The following SPTA1 variants were observed in gnomAD, a reference collection of about 807,000 sequenced individuals.
SPTA1 encodes spectrin alpha, erythrocytic 1, also known as spectrin alpha chain, erythrocytic 1.
In SPTA1, 177 loss-of-function variants were observed where a neutral mutation model predicts 324.7. That is an observed-to-expected ratio of 0.55 (90% CI 0.48 to 0.62). SPTA1 has a LOEUF of 0.62. Ranked by LOEUF, SPTA1 falls within the 20% of genes least tolerant of loss-of-function variation. The pLI, the probability that SPTA1 is intolerant of heterozygous loss-of-function variation, is 0.00. For missense variants in SPTA1, 3,162 were observed against 2,883.6 expected (o/e 1.10, Z -2.21); for synonymous variants, 1,195 against 1,041.3 (o/e 1.15, Z -2.84).
chr1:158,666,389 C>G lies in SPTA1; in HGVS notation c.2147G>C (p.Gly716Ala), dbSNP rs1027915873. Residue 716 changes from glycine to alanine, a missense_variant, in exon 16 of 52, where the codon GGG becomes GCG. Physicochemically the swap from Gly to Ala is moderately conservative, Grantham distance 60. Transcript: ENST00000643759. ...ATTCTGTACCTCGGCCAGGCCTTTC[C>G]CATAATCCTCAGAGGTGACTTGCCA... ...VEWQVTSEDY[G>A]KGLAEVQNRL... 2.4e-5 allele frequency: 39 copies of G among 1,613,800 alleles called. No individual in the cohort carries two copies. The highest frequency in any genetic ancestry group is 3.3e-5 in the Non-Finnish European group (39 of 1,179,992).
At chr1:158,670,943 A>G (rs1296444449) in intron 12 of SPTA1, among the ~76,000 whole-genome samples, 1 of 152,024 alleles carries the variant, frequency 6.6e-6, no homozygotes, top group Non-Finnish European at 1.5e-5. Flanking sequence ...AATAATTTCT[A>G]TTTACACTGA....
In SPTA1 at chr1:158,685,289, C is replaced by A. The variant is rs121918641; in HGVS notation, c.83G>T (p.Arg28Leu). Residue 28 changes from arginine (R) to leucine (L), a missense_variant, in exon 2 of 52, where the codon CGT becomes CTT. Physicochemically the swap from Arg to Leu is moderately radical, Grantham distance 102. Transcript: ENST00000643759. Reference sequence around the variant, plus strand: ...TTGATACCGAGTCAACACTTCCTGACGCCTCTCCTGGATCTCTTCTGCTGT... The same window carrying A: ...TTGATACCGAGTCAACACTTCCTGAAGCCTCTCCTGGATCTCTTCTGCTGT... Reference protein sequence around the residue: ...LETAEEIQERRQEVLTRYQSF... With the variant: ...LETAEEIQERLQEVLTRYQSF... 4.3e-6 allele frequency: 7 copies of A among 1,613,774 alleles called. No homozygotes were observed. The African/African-American group carries it at 9.3e-5, about 22-fold the overall frequency.
At chr1:158,646,002 C>T (rs1269488279) in intron 27 of SPTA1, among the ~76,000 whole-genome samples, 1 of 152,144 alleles carries the variant, frequency 6.6e-6, no homozygotes, top group East Asian at 1.9e-4. Flanking sequence ...GTTACTGTTC[C>T]TTTTAAGTGG....
Position 158,611,225 on chromosome 1 carries a change from C to G in SPTA1, c.*39G>C, listed in dbSNP as rs202171095. On this transcript the variant is annotated 3_prime_UTR_variant, in exon 52 of 52. Coordinates refer to ENST00000643759, the MANE Select transcript of SPTA1 (RefSeq NM_003126.4). Reference sequence around the variant, plus strand: ...TCTTTGCCCCCCAGTAAATTTCCCACGACACTAAGATTTTCTACGATCCAC... The same window carrying G: ...TCTTTGCCCCCCAGTAAATTTCCCAGGACACTAAGATTTTCTACGATCCAC... 2 of 1,608,950 alleles carry G rather than the reference C, an allele frequency of 1.2e-6. No individual in the cohort carries two copies. Among genetic ancestry groups the G allele is most frequent in the Middle Eastern group, 1.7e-4 (1 of 6,024 alleles).
chr1:158,648,806 A>G (rs1652199789), intron 25 of SPTA1, among the ~76,000 whole-genome samples, 153 bp from the exon 26 acceptor site: 1 of 97,076 alleles, frequency 1.0e-5, no homozygotes, highest in African/African-American at 4.2e-5. Context: ...TTTATGTGCT[A>G]GAAACTTAGG....
chr1:158,640,142 C>G (rs973708752), intron 33 of SPTA1, 135 bp from the exon 34 acceptor site: 40 of 1,072,934 alleles, frequency 3.7e-5, no homozygotes, highest in Admixed American at 1.3e-4. Context: ...TCATACATTT[C>G]AAACCAGTTA....
chr1:158,669,582 AACTTACT>A lies in SPTA1; in HGVS notation c.1678-26_1678-20del. On this transcript the variant is annotated intron_variant, in intron 13 of 51. Transcript: ENST00000643759. ...CTAACAGCTGCAAAAACCATGAGTA[AACTTACT>A]GTCAGCACAACCAAATATGGACATG... 1.2e-6 allele frequency: 2 copies of A among 1,614,102 alleles called. No homozygotes were observed. The highest frequency in any genetic ancestry group is 2.7e-5 in the African/African-American group (2 of 75,044).
In SPTA1 at chr1:158,639,418, T is replaced by A. The variant is rs1410954564; in HGVS notation, c.4980+164A>T. ...TTGATTATCAGTGACAGTTTTAATG[T>A]CTTCACAGCCCGTTAATTTTACCTA... On this transcript the variant is annotated intron_variant, in intron 35 of 51. Coordinates refer to ENST00000643759, the MANE Select transcript of SPTA1 (RefSeq NM_003126.4). The A allele has an allele frequency of 4.3e-6, 3 of 697,344 alleles. No individual in the cohort carries two copies. In the African/African-American group the frequency reaches 5.3e-5, roughly 12 times the overall value. The allele number at this position is 697,344 out of a possible 1,614,324, so 43.2% of individuals were successfully genotyped here. A position where few individuals can be genotyped will look rare whatever the true frequency, so the allele number is the denominator to read the frequency against.
intron 24 of SPTA1, among the ~76,000 whole-genome samples, chr1:158,650,532 T>C (rs1433391436): frequency 6.6e-6 from 1 of 152,190 alleles, no homozygotes; most frequent in Non-Finnish European, 1.5e-5. Context: ...AGGTCAAGAA[T>C]GGCCTCTCCT....
At chr1:158,666,785 T>C (rs531917941) in intron 15 of SPTA1, among the ~76,000 whole-genome samples, 1 of 152,308 alleles carries the variant, frequency 6.6e-6, no homozygotes, top group East Asian at 1.9e-4. Context: ...GGTGTTTCCT[T>C]ATGTGATTTT....
Position 158,645,189 on chromosome 1 carries a change from T to G in SPTA1, c.4193A>C (p.Gln1398Pro). 9 of 1,613,786 alleles carry G rather than the reference T, an allele frequency of 5.6e-6. No individual in the cohort carries two copies. The highest frequency in any genetic ancestry group is 7.6e-6 in the Non-Finnish European group (9 of 1,179,754). ...KKILDQCLELQMFQGNCDQVE... is the reference protein window; with the variant it reads ...KKILDQCLELPMFQGNCDQVE... ...TAACAATTGGGAAATTTGCTGTACC[T>G]GCAACTCCAGGCACTGGTCTAGGAT... The change falls in exon 29 of 52, where the codon CAG (glutamine) becomes CCG (proline). Residue 1398 changes from glutamine to proline, a missense_variant and splice_region_variant. Transcript: ENST00000643759.
intron 13 of SPTA1, 64 bp downstream of exon 13, chr1:158,669,645 C>T: frequency 6.2e-7 from 1 of 1,613,882 alleles, no homozygotes; most frequent in South Asian, 1.1e-5. Context: ...GGTCACCATG[C>T]CCACCAAAAC....
chr1:158,661,506 C>A, intron 17 of SPTA1, 97 bp from the exon 18 acceptor site: 13 of 1,503,124 alleles, frequency 8.6e-6, no homozygotes, highest in Admixed American at 1.7e-5. Flanking sequence ...AGGTTCTTTC[C>A]TTTGAAGTTC....
intron 3 of SPTA1, among the ~76,000 whole-genome samples, 163 bp downstream of exon 3, chr1:158,683,208 C>A (rs971464420): frequency 6.6e-6 from 1 of 152,016 alleles, no homozygotes; most frequent in Non-Finnish European, 1.5e-5. Context: ...CCAAGAAACA[C>A]GAAGATATCC....
intron 2 of SPTA1, among the ~76,000 whole-genome samples, chr1:158,684,803 TG>T (rs1383547389): frequency 1.3e-5 from 2 of 152,178 alleles, no homozygotes; most frequent in African/African-American, 4.8e-5. Context: ...GATTAAAAAA[TG>T]TATATTCTGA....
At chr1:158,627,496 A>G (rs1316788085) in intron 40 of SPTA1, 129 bp downstream of exon 40, 3 of 897,368 alleles carry the variant, frequency 3.3e-6, no homozygotes, top group Non-Finnish European at 5.5e-6. Context: ...AAGGCAGTTT[A>G]GAAGAGATTG....
At chr1:158,656,853 A>G (rs114530502) in intron 19 of SPTA1, among the ~76,000 whole-genome samples, 197 bp from the exon 20 acceptor site, 1,949 of 152,354 alleles carry the variant, frequency 0.013, 41 homozygotes, top group African/African-American at 0.045. Flanking sequence ...CAATATGTTT[A>G]CTAAAATCAA....
At chr1:158,684,093 AAG>A (rs1553238402) in intron 2 of SPTA1, among the ~76,000 whole-genome samples, 12,862 of 30,522 alleles carry the variant, frequency 0.42, 1,167 homozygotes, top group African/African-American at 0.44. Flanking sequence ...CAATTTAGGG[AAG>A]AAAAAAAAAA....
chr1:158,644,544 G>C (rs1651852701), intron 29 of SPTA1, 148 bp from the exon 30 acceptor site: 2 of 913,922 alleles, frequency 2.2e-6, no homozygotes, highest in South Asian at 2.9e-5. Flanking sequence ...AATCTTAGCT[G>C]TACTGGAACT....
Sources: gnomAD v4.1 joint callset for allele counts (sites outside exome capture counted in the v4.1 genomes callset) on GRCh38, gnomAD v4.1.1 for gene constraint, MANE v1.5 for transcripts, NCBI Gene and HGNC (gene_info 2026-07-23, HGNC 2026-07-21) for gene names.